The following SLC13A1 variants were observed in gnomAD, a reference collection of about 807,000 sequenced individuals.
SLC13A1 encodes the protein Na(+)/sulfate cotransporter.
Under a neutral mutation model 70.0 loss-of-function variants are expected in SLC13A1, and 65 were observed. The ratio of observed to expected loss-of-function variants is 0.93; its 90% confidence interval spans 0.76 to 1.14. The LOEUF is 1.14. Ranked by LOEUF, SLC13A1 falls within the 50% of genes most tolerant of loss-of-function variation. The pLI is 0.00. For synonymous variants in SLC13A1, 275 were observed against 250.5 expected (o/e 1.10, Z -0.92); for missense variants, 726 against 717.8 (o/e 1.01, Z -0.13).
rs535278786 is a variant in SLC13A1, at chr7:123,133,409, G to GTACTT, written c.932+1000_932+1001insAAGTA. 9.1e-3 allele frequency among the ~76,000 whole-genome samples: 1,391 copies of GTACTT among 152,230 alleles called. 16 individuals are homozygous for GTACTT. Among genetic ancestry groups the GTACTT allele is most frequent in the African/African-American group, 0.032 (1,319 of 41,522 alleles). The stretch of plus-strand genomic sequence containing the variant: ...AAATCTCCACATTAAACCAAGTGGA[G>GTACTT]GGGCAAACCTTAAAATTCCCCTTTA... On this transcript the variant is annotated intron_variant, in intron 8 of 14. Coordinates refer to ENST00000194130, the MANE Select transcript of SLC13A1 (RefSeq NM_022444.4).
chr7:123,140,056 T>C (rs1485190999), intron 7 of SLC13A1, among the ~76,000 whole-genome samples: 1 of 151,640 alleles, frequency 6.6e-6, no homozygotes, highest in Non-Finnish European at 1.5e-5. Flanking sequence ...GGGTCTGTTA[T>C]CTGTCGTATA....
intron 12 of SLC13A1, among the ~76,000 whole-genome samples, chr7:123,122,268 C>T (rs1373063799): frequency 1.3e-5 from 2 of 152,082 alleles, no homozygotes; most frequent in Non-Finnish European, 2.9e-5. Flanking sequence ...AATTTAACCT[C>T]CTGGAAGCCA....
At chr7:123,118,262 C>G (rs1304046504) in intron 13 of SLC13A1, among the ~76,000 whole-genome samples, 1 of 152,104 alleles carries the variant, frequency 6.6e-6, no homozygotes, top group Non-Finnish European at 1.5e-5. Flanking sequence ...TAAATCAACA[C>G]ATAATTTTCT....
At chr7:123,123,344 T>C (rs566002474) in intron 11 of SLC13A1, 109 bp from the exon 12 acceptor site, 2 of 689,710 alleles carry the variant, frequency 2.9e-6, no homozygotes, top group South Asian at 3.4e-5. Context: ...TATTCCTATA[T>C]TGTTTTTAAA....
At chr7:123,161,238 C>T (rs10267095) in intron 6 of SLC13A1, among the ~76,000 whole-genome samples, 87,009 of 149,772 alleles carry the variant, frequency 0.58, 25,286 homozygotes, top group East Asian at 0.67. Flanking sequence ...TTAAAAAAGA[C>T]TTAAATAAAA....
intron 7 of SLC13A1, among the ~76,000 whole-genome samples, chr7:123,137,299 A>G (rs1047579724): frequency 6.6e-6 from 1 of 152,124 alleles, no homozygotes; most frequent in African/African-American, 2.4e-5. Context: ...GTGTGGATGG[A>G]ATCTGTGAAT....
intron 6 of SLC13A1, among the ~76,000 whole-genome samples, chr7:123,150,760 G>T (rs1794526770): frequency 6.6e-6 from 1 of 151,920 alleles, no homozygotes; most frequent in African/African-American, 2.4e-5. Context: ...AAAAAACTCT[G>T]CTTTGGGTTT....
rs559113734 is a variant in SLC13A1 at position 123,164,563 on chromosome 7, C to CA, written c.660+3810dup. ...AACATAGCAAAATTGTGCAGATTACCAAAAAAAAAGCTAAGCCTTTTATTT... is the reference window on the plus strand; with the variant it reads ...AACATAGCAAAATTGTGCAGATTACCAAAAAAAAAAGCTAAGCCTTTTATTT... On this transcript the variant is annotated intron_variant, in intron 6 of 14. Coordinates refer to ENST00000194130, the MANE Select transcript of SLC13A1 (RefSeq NM_022444.4). Among the ~76,000 whole-genome samples, 795 of 147,848 alleles carry CA rather than the reference C, an allele frequency of 5.4e-3. 5 individuals are homozygous for CA. Among genetic ancestry groups the CA allele is most frequent in the African/African-American group, 0.018 (740 of 40,450 alleles).
chr7:123,125,632 C>T lies in SLC13A1; in HGVS notation c.1177G>A (p.Gly393Arg), dbSNP rs368007425. The T allele has an allele frequency of 1.2e-5, 19 of 1,613,082 alleles. No individual in the cohort carries two copies. The highest frequency in any genetic ancestry group is 1.6e-5 in the Non-Finnish European group (19 of 1,179,578). Residue 393 changes from glycine (G) to arginine (R), a missense_variant, in exon 11 of 15, where the codon GGG becomes AGG. Coordinates refer to ENST00000194130, the MANE Select transcript of SLC13A1 (RefSeq NM_022444.4). Reference sequence around the variant, plus strand: ...GCTGGGATAAGAAAGAATAGCAGCCCTATAAGTAAAGCAACAGTTGAATCT... The same window carrying T: ...GCTGGGATAAGAAAGAATAGCAGCCTTATAAGTAAAGCAACAGTTGAATCT... ...ATDSTVALLI[G>R]LLFFLIPAKT...
chr7:123,172,774 T>C (rs1795316350), intron 2 of SLC13A1, among the ~76,000 whole-genome samples: 1 of 151,676 alleles, frequency 6.6e-6, no homozygotes, highest in Non-Finnish European at 1.5e-5. Flanking sequence ...TACTTTGAAA[T>C]ACATTTAGGT....
intron 7 of SLC13A1, among the ~76,000 whole-genome samples, chr7:123,139,180 C>T (rs949633745): frequency 2.0e-5 from 3 of 151,958 alleles, no homozygotes; most frequent in Non-Finnish European, 4.4e-5. Flanking sequence ...ACTGCCTTTC[C>T]CCAGTGTATA....
intron 6 of SLC13A1, among the ~76,000 whole-genome samples, chr7:123,155,808 A>C (rs1794690881): frequency 6.6e-6 from 1 of 152,014 alleles, no homozygotes; most frequent in South Asian, 2.1e-4. Context: ...TGACACCCGA[A>C]AGGCATAGAC....
At chr7:123,122,172 T>A (rs148723955) in intron 12 of SLC13A1, among the ~76,000 whole-genome samples, 1 of 151,882 alleles carries the variant, frequency 6.6e-6, no homozygotes, top group Non-Finnish European at 1.5e-5. Flanking sequence ...TGCAGAAAAA[T>A]TGTCAATAAA....
intron 7 of SLC13A1, among the ~76,000 whole-genome samples, chr7:123,142,175 C>G (rs575810102): frequency 3.9e-5 from 6 of 152,266 alleles, no homozygotes; most frequent in South Asian, 4.1e-4. Context: ...TTCCCACTCT[C>G]CCACCCCTTT....
At chr7:123,129,053 G>T in intron 9 of SLC13A1, 107 bp from the exon 10 acceptor site, 1 of 771,372 alleles carries the variant, frequency 1.3e-6, no homozygotes. Flanking sequence ...ACTAAACACT[G>T]TAAGAACTAG....
At chr7:123,119,548 TTAAGAGAAGAGCAA>T (rs1793304255) in intron 12 of SLC13A1, among the ~76,000 whole-genome samples, 1 of 151,978 alleles carries the variant, frequency 6.6e-6, no homozygotes, top group Non-Finnish European at 1.5e-5. Flanking sequence ...ATAGAGGGCT[TTAAGAGAAGAGCAA>T]CCCTTCTGAT....
chr7:123,178,488 T>C (rs1795530526), intron 2 of SLC13A1, among the ~76,000 whole-genome samples: 2 of 152,186 alleles, frequency 1.3e-5, no homozygotes, highest in Non-Finnish European at 2.9e-5. Context: ...TTTGTATCAT[T>C]GTTTAACATA....
In SLC13A1 at chr7:123,147,164, G is replaced by A; in HGVS notation, c.807C>T (p.Phe269=). 6.2e-7 allele frequency: 1 copy of A among 1,613,146 alleles called. No homozygotes were observed. ...AATCCAATAAGGTTACTTACGTATT[G>A]AAATACTCTGCAAAGATCAAGTTGG... The part of the protein sequence containing the change: ...TSTNLIFAEY[F]NTRYPDCRCL... Residue 269 remains phenylalanine, a synonymous_variant, in exon 7 of 15, where the codon TTC becomes TTT. Transcript: ENST00000194130.
At chr7:123,154,629 C>A (rs571344892) in intron 6 of SLC13A1, among the ~76,000 whole-genome samples, 1 of 152,202 alleles carries the variant, frequency 6.6e-6, no homozygotes, top group African/African-American at 2.4e-5. Context: ...TTTCCTGCCC[C>A]TTCTGTAAGT....
Sources: allele counts gnomAD v4.1 joint callset (sites outside exome capture counted in the v4.1 genomes callset), GRCh38; gene constraint gnomAD v4.1.1; transcripts MANE v1.5; gene names NCBI Gene and HGNC (gene_info 2026-07-23, HGNC 2026-07-21).